The following RARA variants were observed in gnomAD, a reference collection of about 807,000 sequenced individuals.
RARA encodes retinoic acid receptor alpha, also known as PML-DDX5-RARA fusion.
A neutral mutation model predicts 42.8 loss-of-function variants in RARA; 5 were observed. That is an observed-to-expected ratio of 0.12 (90% CI 0.06 to 0.25). The LOEUF is 0.25. RARA is among the 10% of genes least tolerant of loss of function. The probability of loss-of-function intolerance (pLI) is 1.00; values close to 1 mark genes in which losing one functional copy is unlikely to be tolerated. For missense variants in RARA, 402 were observed against 628.7 expected (o/e 0.64, Z 3.86); for synonymous variants, 256 against 259.5 (o/e 0.99, Z 0.13).
Position 40,355,548 on chromosome 17 carries a change from A to T in RARA, c.1171+127A>T, listed in dbSNP as rs904181685. The T allele has an allele frequency of 2.3e-6, 3 of 1,310,932 alleles. No individual in the cohort carries two copies. In the Admixed American group the frequency reaches 8.4e-5, roughly 37 times the overall value. 81.2% of individuals were successfully genotyped at this position (1,310,932 alleles called of 1,614,324 possible). A position where few individuals can be genotyped will look rare whatever the true frequency, so the allele number is the denominator to read the frequency against. On this transcript the variant is annotated intron_variant, in intron 8 of 8. Coordinates refer to ENST00000254066, the MANE Select transcript of RARA (RefSeq NM_000964.4). This position sits in a 1 kb window ranked among gnomAD's most constrained non-coding sequence, Gnocchi z 4.1. The stretch of plus-strand genomic sequence containing the variant: ...CCTGTCCCCATCTGTGTCTAGGCTG[A>T]GGTCCCCTAGTGACTCCACTTTGCC...
At chr17:40,315,126 A>ATATG (rs1273386412) in intron 1 of RARA, among the ~76,000 whole-genome samples, 2 of 71,938 alleles carry the variant, frequency 2.8e-5, no homozygotes, top group South Asian at 3.8e-4. Context: ...ATATATGCTT[A>ATATG]TATGTGTATA....
At position 40,345,564 on chromosome 17, in the gene RARA, T is replaced by C. The variant is rs2034236672; in HGVS notation, c.179-2752T>C. On this transcript the variant is annotated intron_variant, in intron 2 of 8. Transcript: ENST00000254066. The surrounding 1 kb of genome is among the most constrained non-coding windows in gnomAD (Gnocchi z 4.8). ...GATGGGGAGCGAGGGAGGGGCACCC[T>C]GGCAGCGTCGGCGGGAGGGGACGCC... 6.6e-6 allele frequency among the ~76,000 whole-genome samples: 1 copy of C among 152,184 alleles called. No individual in the cohort carries two copies.
At chr17:40,353,794 G>T (rs1202788363) in intron 6 of RARA, among the ~76,000 whole-genome samples, 1 of 152,152 alleles carries the variant, frequency 6.6e-6, no homozygotes, top group Non-Finnish European at 1.5e-5. Flanking sequence ...TGCCTGCAGG[G>T]GCTCCCATCC....
At chr17:40,346,213 C>T (rs1039293981) in intron 2 of RARA, among the ~76,000 whole-genome samples, 1 of 152,182 alleles carries the variant, frequency 6.6e-6, no homozygotes, top group African/African-American at 2.4e-5. Context: ...TTTTTGCCCT[C>T]TAGTCTGTCC....
intron 2 of RARA, among the ~76,000 whole-genome samples, chr17:40,336,727 A>G (rs934818651): frequency 2.0e-5 from 3 of 147,884 alleles, no homozygotes; most frequent in African/African-American, 7.6e-5. Flanking sequence ...ACGGAGTCTC[A>G]TTCTGTCACC....
chr17:40,342,930 A>C, intron 2 of RARA: 1 of 1,550,692 alleles, frequency 6.4e-7, no homozygotes, highest in South Asian at 1.2e-5. Flanking sequence ...GGCTTCCACT[A>C]CTACTCGGGG....
At chr17:40,318,542 T>G (rs1370930370) in intron 1 of RARA, 1 of 152,246 alleles carries the variant, frequency 6.6e-6, no homozygotes, top group East Asian at 1.9e-4. Context: ...GGGAGGGGAC[T>G]GGGTACCGGG....
chr17:40,335,830 C>T (rs1035569850), intron 2 of RARA, among the ~76,000 whole-genome samples: 1 of 152,034 alleles, frequency 6.6e-6, no homozygotes, highest in Non-Finnish European at 1.5e-5. Context: ...ATAGTGAGAC[C>T]CTGCCTCTAC....
intron 2 of RARA, chr17:40,342,154 G>C (rs976580054): frequency 9.6e-7 from 1 of 1,046,206 alleles, no homozygotes; most frequent in African/African-American, 1.7e-5. Context: ...GCTGGGGTGG[G>C]GGGGCCGTGG....
chr17:40,336,830 G>C (rs2033865453), intron 2 of RARA, among the ~76,000 whole-genome samples: 1 of 152,258 alleles, frequency 6.6e-6, no homozygotes, highest in Admixed American at 6.5e-5. Flanking sequence ...CAAGTAGCTG[G>C]GACTACAGGC....
In RARA at chr17:40,320,351, G is replaced by C. The variant is rs2033340955; in HGVS notation, c.-362-10506G>C. Among the ~76,000 whole-genome samples, 1 of 152,072 alleles carries C rather than the reference G, an allele frequency of 6.6e-6. No individual in the cohort carries two copies. Among genetic ancestry groups the C allele is most frequent in the Non-Finnish European group, 1.5e-5 (1 of 67,996 alleles). On this transcript the variant is annotated intron_variant, in intron 1 of 8. Transcript: ENST00000254066. This position sits in a 1 kb window ranked among gnomAD's most constrained non-coding sequence, Gnocchi z 4.1. ...GCAGCCTGGCAGGAAGCCAGCTGTG[G>C]GCAGCCCCATCCTGATCACCCATGT... is the stretch of plus-strand genomic sequence containing the variant.
At position 40,357,158 on chromosome 17, in the gene RARA, CAG is replaced by C. The variant is rs1055932138; in HGVS notation, c.*935_*936del. 3 of 238,880 alleles carry C rather than the reference CAG, an allele frequency of 1.3e-5. No individual in the cohort carries two copies. Among genetic ancestry groups the C allele is most frequent in the African/African-American group, 4.4e-5 (2 of 45,344 alleles). The allele number at this position is 238,880 out of a possible 1,614,324, so 14.8% of individuals were successfully genotyped here. On this transcript the variant is annotated 3_prime_UTR_variant, in exon 9 of 9. Coordinates refer to ENST00000254066, the MANE Select transcript of RARA (RefSeq NM_000964.4). ...GCAGGGCAGAGCAAGGGCCCCGGGA[CAG>C]AGTTTTCCCAGACCTGGCTCCTCGG...
At chr17:40,338,706 C>CAAA (rs34668171) in intron 2 of RARA, among the ~76,000 whole-genome samples, 15 of 52,352 alleles carry the variant, frequency 2.9e-4, no homozygotes, top group Non-Finnish European at 4.0e-4. Flanking sequence ...GACTTGGACT[C>CAAA]AAAAAAAAAA....
intron 2 of RARA, among the ~76,000 whole-genome samples, chr17:40,338,587 A>AAT (rs1039366401): frequency 6.6e-6 from 1 of 152,036 alleles, no homozygotes; most frequent in Non-Finnish European, 1.5e-5. Context: ...TCACACCTAT[A>AAT]ATCCCAGCTA....
At chr17:40,341,425 A>C (rs775402747) in intron 2 of RARA, 1 of 1,524,718 alleles carries the variant, frequency 6.6e-7, no homozygotes, top group Non-Finnish European at 8.8e-7. Context: ...CCGGTGTCTC[A>C]TTCCGACACA....
Position 40,331,144 on chromosome 17 carries a change from G to A in RARA, c.-75G>A, listed in dbSNP as rs932903311. 2.5e-5 allele frequency: 37 copies of A among 1,470,780 alleles called. No individual in the cohort carries two copies. In the African/African-American group the frequency reaches 2.9e-4, roughly 12 times the overall value. 91.1% of individuals were successfully genotyped at this position (1,470,780 alleles called of 1,614,324 possible). A position where few individuals can be genotyped will look rare whatever the true frequency, so the allele number is the denominator to read the frequency against. ...CATCTGGGCCCAGGCCCCATGCCCC[G>A]AGGAGGGGTGGTCTGAAGCCCACCA... On this transcript the variant is annotated 5_prime_UTR_variant, in exon 2 of 9. Coordinates refer to ENST00000254066, the MANE Select transcript of RARA (RefSeq NM_000964.4).
In RARA at chr17:40,354,813, G is replaced by C. The variant is rs2034564171; in HGVS notation, c.1012+307G>C. Among the ~76,000 whole-genome samples, 1 of 152,210 alleles carries C rather than the reference G, an allele frequency of 6.6e-6. No individual in the cohort carries two copies. On this transcript the variant is annotated intron_variant, in intron 7 of 8. Coordinates refer to ENST00000254066, the MANE Select transcript of RARA (RefSeq NM_000964.4). The surrounding 1 kb of genome is among the most constrained non-coding windows in gnomAD (Gnocchi z 4.5). ...GGGCCTCCGTTTCTGTACAGTGGGG[G>C]CGGTAACGGTCTCTAGCTCATGAAG...
intron 1 of RARA, among the ~76,000 whole-genome samples, chr17:40,309,590 GC>G (rs1376067426): frequency 6.6e-6 from 1 of 152,210 alleles, no homozygotes; most frequent in Non-Finnish European, 1.5e-5. Flanking sequence ...TTGCGGTATT[GC>G]CTAATACCCC....
In RARA at chr17:40,355,003, G is replaced by A. The variant is rs574232197; in HGVS notation, c.1013-260G>A. ...CCTGGGAACCCTCTCCCTGCTTGAGGATGGCACTGCCCATTTGGGGTCCCA... is the reference window on the plus strand; with the variant it reads ...CCTGGGAACCCTCTCCCTGCTTGAGAATGGCACTGCCCATTTGGGGTCCCA... On this transcript the variant is annotated intron_variant, in intron 7 of 8. Coordinates refer to ENST00000254066, the MANE Select transcript of RARA (RefSeq NM_000964.4). The surrounding 1 kb of genome is among the most constrained non-coding windows in gnomAD (Gnocchi z 4.1). Among the ~76,000 whole-genome samples, 129 of 152,294 alleles carry A rather than the reference G, an allele frequency of 8.5e-4. 1 individual carries two copies. The highest frequency in any genetic ancestry group is 2.0e-3 in the African/African-American group (82 of 41,560).
Sources: allele counts gnomAD v4.1 joint callset (sites outside exome capture counted in the v4.1 genomes callset), GRCh38; gene constraint gnomAD v4.1.1; non-coding constraint Gnocchi (gnomAD v3.1); transcripts MANE v1.5; gene names NCBI Gene and HGNC (gene_info 2026-07-23, HGNC 2026-07-21).